PTPRN2: variants seen among roughly 807,000 people sequenced by gnomAD.
PTPRN2 encodes receptor-type tyrosine-protein phosphatase N2.
Under a neutral mutation model 118.8 loss-of-function variants are expected in PTPRN2, and 74 were observed. The observed-to-expected ratio is 0.62, with a 90% CI of 0.52 to 0.76. PTPRN2 has a LOEUF of 0.76. Ranked by LOEUF, PTPRN2 falls within the 30% of genes least tolerant of loss-of-function variation. The pLI is 0.00. For missense variants in PTPRN2, 1,481 were observed against 1,394.4 expected, an observed-to-expected ratio of 1.06 and a Z score of -0.99; for synonymous variants, 641 against 608.0, an observed-to-expected ratio of 1.05 and a Z score of -0.80.
At chr7:158,007,482 C>A (rs888580977) in intron 11 of PTPRN2, among the ~76,000 whole-genome samples, 3 of 152,062 alleles carry the variant, frequency 2.0e-5, no homozygotes, top group Non-Finnish European at 4.4e-5. Context: ...TGGAGGGGAC[C>A]CAGACGCAGG....
chr7:157,873,930 G>T (rs919203484), intron 12 of PTPRN2, among the ~76,000 whole-genome samples: 1 of 152,164 alleles, frequency 6.6e-6, no homozygotes, highest in Non-Finnish European at 1.5e-5. Flanking sequence ...TCCGGGGAAA[G>T]TTGTTTCCTG....
Position 157,603,944 on chromosome 7 carries a change from G to T in PTPRN2, c.2418+58C>A. The T allele has an allele frequency of 1.3e-6, 2 of 1,504,692 alleles. No homozygotes were observed. Among genetic ancestry groups the T allele is most frequent in the Non-Finnish European group, 1.8e-6 (2 of 1,083,652 alleles). The allele number at this position is 1,504,692 out of a possible 1,614,324, so 93.2% of individuals were successfully genotyped here. Reference sequence around the variant, plus strand: ...CCCCGAGAACCTTCCCACGTGATTTGCCGCGTCCGTGCCACCCAAGGGAAA... The same window carrying T: ...CCCCGAGAACCTTCCCACGTGATTTTCCGCGTCCGTGCCACCCAAGGGAAA... On this transcript the variant is annotated intron_variant, in intron 16 of 22. Transcript: ENST00000389418. This position sits in a 1 kb window ranked among gnomAD's most constrained non-coding sequence, Gnocchi z 5.4.
rs1245834957 is a variant in PTPRN2 at position 158,570,414 on chromosome 7, C to T, written c.112+17144G>A. On this transcript the variant is annotated intron_variant, in intron 1 of 22. Coordinates refer to ENST00000389418, the MANE Select transcript of PTPRN2 (RefSeq NM_002847.5). The surrounding 1 kb of genome is among the most constrained non-coding windows in gnomAD (Gnocchi z 4.5). ...CCAACCAGATGAGGACAGAACCGAG[C>T]GCCCTCCAGCACCCTCTCCCACCAT... Among the ~76,000 whole-genome samples the T allele has an allele frequency of 3.3e-5, 5 of 152,194 alleles. No individual in the cohort carries two copies. The highest frequency in any genetic ancestry group is 3.3e-4 in the Admixed American group (5 of 15,282).
intron 1 of PTPRN2, among the ~76,000 whole-genome samples, chr7:158,523,645 G>GTCA (rs1483157689): frequency 2.4e-4 from 30 of 127,072 alleles, no homozygotes; most frequent in Non-Finnish European, 4.5e-4. Flanking sequence ...CTGGAGCGGA[G>GTCA]TCTGCCCTGG....
chr7:158,563,833 T>G lies in PTPRN2; in HGVS notation c.112+23725A>C, dbSNP rs142822392. Reference sequence around the variant, plus strand: ...TGCCTATTTTTTAGGGAATGGTCTTTTCTGTTTATAGGATCTATGCATAGC... The same window carrying G: ...TGCCTATTTTTTAGGGAATGGTCTTGTCTGTTTATAGGATCTATGCATAGC... On this transcript the variant is annotated intron_variant, in intron 1 of 22. Coordinates refer to ENST00000389418, the MANE Select transcript of PTPRN2 (RefSeq NM_002847.5). The surrounding 1 kb of genome is among the most constrained non-coding windows in gnomAD (Gnocchi z 5.1). Among the ~76,000 whole-genome samples, 27 of 152,332 alleles carry G rather than the reference T, an allele frequency of 1.8e-4. No homozygotes were observed. The East Asian group carries it at 5.2e-3, about 29-fold the overall frequency.
At chr7:158,332,652 T>A (rs1362632545) in intron 2 of PTPRN2, among the ~76,000 whole-genome samples, 2 of 146,710 alleles carry the variant, frequency 1.4e-5, no homozygotes, top group African/African-American at 5.2e-5. Context: ...CCATAAGAGC[T>A]GATGCCTGCA....
chr7:158,420,043 C>T (rs1815119413), intron 2 of PTPRN2, among the ~76,000 whole-genome samples: 1 of 152,176 alleles, frequency 6.6e-6, no homozygotes, highest in Non-Finnish European at 1.5e-5. Context: ...GACCTGACCC[C>T]TAAGGTCTCC....
At chr7:157,621,341 G>GC (rs1803219604) in intron 15 of PTPRN2, 21 bp downstream of exon 15, 1 of 1,602,138 alleles carries the variant, frequency 6.2e-7, no homozygotes, top group Non-Finnish European at 8.5e-7. Flanking sequence ...CAGGCTTCCT[G>GC]CCCCCGGGGC....
At chr7:158,254,803 G>A (rs184018468) in intron 3 of PTPRN2, among the ~76,000 whole-genome samples, 5 of 152,380 alleles carry the variant, frequency 3.3e-5, no homozygotes, top group African/African-American at 4.8e-5. Flanking sequence ...AGGAAACTAC[G>A]ACAGTCATCT....
chr7:157,638,998 C>T (rs900162231), intron 14 of PTPRN2, among the ~76,000 whole-genome samples: 2 of 152,072 alleles, frequency 1.3e-5, no homozygotes, highest in Admixed American at 1.3e-4. Context: ...TCATCTTTGA[C>T]TCTAGACAGC....
intron 1 of PTPRN2, among the ~76,000 whole-genome samples, chr7:158,587,201 T>C (rs1366814085): frequency 3.0e-5 from 3 of 100,702 alleles, no homozygotes; most frequent in Non-Finnish European, 5.9e-5. Flanking sequence ...CACTCATTCA[T>C]TGAGGCGCCC....
chr7:158,310,838 AGC>A, intron 3 of PTPRN2, among the ~76,000 whole-genome samples: 1 of 47,734 alleles, frequency 2.1e-5, no homozygotes, highest in Non-Finnish European at 5.2e-5. Flanking sequence ...AGCCGGACAG[AGC>A]GCAAATCCCA....
intron 11 of PTPRN2, among the ~76,000 whole-genome samples, chr7:157,935,121 T>A (rs1459147675): frequency 3.3e-5 from 5 of 152,244 alleles, no homozygotes; most frequent in African/African-American, 1.2e-4. Context: ...ACAAATGTGC[T>A]TATGTTAATT....
At chr7:158,527,306 C>T (rs976467877) in intron 1 of PTPRN2, among the ~76,000 whole-genome samples, 4 of 152,186 alleles carry the variant, frequency 2.6e-5, no homozygotes, top group Admixed American at 6.5e-5. Context: ...CCATGCCCCC[C>T]GCCACCGGAG....
chr7:158,153,122 A>G (rs1428873503), intron 6 of PTPRN2, among the ~76,000 whole-genome samples: 1 of 152,118 alleles, frequency 6.6e-6, no homozygotes, highest in African/African-American at 2.4e-5. Flanking sequence ...ACCATCGACC[A>G]GCGGAACGAT....
rs1214691945 is a variant in PTPRN2, at chr7:158,273,632, G to C, written c.277+43187C>G. ...GACACGGGGAGCCGCAGGCATGGGG[G>C]AGCCGCAGACAGACATGGGAGGAGC... On this transcript the variant is annotated intron_variant, in intron 3 of 22. Coordinates refer to ENST00000389418, the MANE Select transcript of PTPRN2 (RefSeq NM_002847.5). 2.1e-4 allele frequency among the ~76,000 whole-genome samples: 24 copies of C among 116,310 alleles called. 3 individuals carry two copies. Among genetic ancestry groups the C allele is most frequent in the Non-Finnish European group, 3.5e-4 (20 of 56,866 alleles). 76.3% of individuals were successfully genotyped at this position (116,310 alleles called of 152,430 possible). A position where few individuals can be genotyped will look rare whatever the true frequency, so the allele number is the denominator to read the frequency against.
At chr7:157,608,691 C>T (rs1325756789) in intron 15 of PTPRN2, among the ~76,000 whole-genome samples, 2 of 152,134 alleles carry the variant, frequency 1.3e-5, no homozygotes, top group Non-Finnish European at 2.9e-5. Context: ...AAGCAGGTGG[C>T]CTGGGGCCTC....
intron 12 of PTPRN2, among the ~76,000 whole-genome samples, chr7:157,767,205 T>C (rs1242779): frequency 0.32 from 48,174 of 152,098 alleles, 9,828 homozygotes; most frequent in African/African-American, 0.57. Context: ...CAGGCTGTGC[T>C]GGGCACACAG....
In PTPRN2 at chr7:158,146,967, T is replaced by C. The variant is rs1379235896; in HGVS notation, c.911-8452A>G. On this transcript the variant is annotated intron_variant, in intron 6 of 22. Transcript: ENST00000389418. ...CTTTCCCCCTCAATGACACCCCATC[T>C]CACGCCACGTGTCTTTCCCCCTCAA... is the stretch of plus-strand genomic sequence containing the variant. Among the ~76,000 whole-genome samples, 8 of 133,766 alleles carry C rather than the reference T, an allele frequency of 6.0e-5. 1 individual carries two copies. Among genetic ancestry groups the C allele is most frequent in the African/African-American group, 2.3e-4 (8 of 34,840 alleles). The allele number at this position is 133,766 out of a possible 152,430, so 87.8% of individuals were successfully genotyped here. A position where few individuals can be genotyped will look rare whatever the true frequency, so the allele number is the denominator to read the frequency against.
Sources: allele counts gnomAD v4.1 joint callset (sites outside exome capture counted in the v4.1 genomes callset), GRCh38; gene constraint gnomAD v4.1.1; non-coding constraint Gnocchi (gnomAD v3.1); transcripts MANE v1.5; gene names NCBI Gene and HGNC (gene_info 2026-07-23, HGNC 2026-07-21).